Variants in YLPM1 observed in about 807,000 individuals in gnomAD.
The protein encoded by YLPM1 is YLP motif-containing protein 1.
YLPM1 carries 99 observed loss-of-function variants against 230.0 expected under a neutral mutation model. That is an observed-to-expected ratio of 0.43 (90% CI 0.37 to 0.51). The LOEUF (loss-of-function observed/expected upper bound fraction) is 0.51. Ranked by LOEUF, YLPM1 falls within the 20% of genes least tolerant of loss-of-function variation. The probability of loss-of-function intolerance (pLI) is 0.00; values close to 1 mark genes in which losing one functional copy is unlikely to be tolerated. For missense variants in YLPM1, 2,592 were observed against 2,707.7 expected (o/e 0.96, Z 0.95); for synonymous variants, 984 against 942.5 (o/e 1.04, Z -0.81).
Position 74,763,556 on chromosome 14 carries a change from C to G in YLPM1, c.67C>G (p.Pro23Ala). 1 of 1,554,636 alleles carries G rather than the reference C, an allele frequency of 6.4e-7. No homozygotes were observed. Reference sequence around the variant, plus strand: ...TCCGCCGCCACCGGTCCCACCGCCGCCGCCAGTGGCGCTTCCTGAGGCCTC... The same window carrying G: ...TCCGCCGCCACCGGTCCCACCGCCGGCGCCAGTGGCGCTTCCTGAGGCCTC... ...HYPPPPVPPP[P>A]PVALPEASPG... The change falls in exon 1 of 21, where the codon CCG becomes GCG. Residue 23 changes from proline to alanine, a missense_variant. This residue lies in a region of YLPM1 where 1,862 missense variants were observed against 1,819.8 expected (regional missense o/e 1.02). Transcript: ENST00000325680.
At chr14:74,821,878 C>T (rs1165794801) in intron 17 of YLPM1, 3 of 152,150 alleles carry the variant, frequency 2.0e-5, no homozygotes, top group Admixed American at 6.5e-5. Context: ...GAATATTACT[C>T]GGTTTATTTA....
rs753261602 is a variant in YLPM1, at chr14:74,798,566, G to A, written c.3269G>A (p.Arg1090Gln). 20 of 1,613,690 alleles carry A rather than the reference G, an allele frequency of 1.2e-5. No homozygotes were observed. In the Middle Eastern group the frequency reaches 4.9e-4, roughly 40 times the overall value. The part of the protein sequence containing the change: ...DRGLVRPGSS[R>Q]EKVPGGLQGS... The stretch of plus-strand genomic sequence containing the variant: ...GGGTTGGTGAGGCCTGGAAGCAGTC[G>A]GGAGAAAGTGCCAGGTGGTCTTCAA... Residue 1090 changes from arginine to glutamine, a missense_variant, in exon 5 of 21, where the codon CGG (arginine) becomes CAG (glutamine). Around this residue, in one of 4 missense-constraint regions of YLPM1, gnomAD observed 1,862 missense variants for 1,819.8 expected, o/e 1.02. Transcript: ENST00000325680.
chr14:74,768,320 G>A (rs2090934594), intron 1 of YLPM1, among the ~76,000 whole-genome samples: 2 of 152,228 alleles, frequency 1.3e-5, no homozygotes, highest in African/African-American at 4.8e-5. Flanking sequence ...TGAAATCTCG[G>A]CTCACTGCAA....
intron 5 of YLPM1, among the ~76,000 whole-genome samples, chr14:74,801,204 CAATA>C (rs2091321118): frequency 6.6e-6 from 1 of 151,956 alleles, no homozygotes; most frequent in Non-Finnish European, 1.5e-5. Flanking sequence ...CATAATTAAA[CAATA>C]TATAGGGAGT....
chr14:74,765,471 GGATGCTGAAATAAAGTAGTAGAATAAT>G, intron 1 of YLPM1, among the ~76,000 whole-genome samples: 1 of 152,170 alleles, frequency 6.6e-6, no homozygotes, highest in Admixed American at 6.5e-5. Context: ...AAAACACTTG[GGATGCTGAAATAAAGTAGTAGAATAAT>G]GATTCTGTTG....
At chr14:74,821,188 A>G in intron 17 of YLPM1, 51 bp downstream of exon 17, 1 of 1,513,136 alleles carries the variant, frequency 6.6e-7, no homozygotes, top group South Asian at 1.3e-5. Flanking sequence ...TAAAATTCTT[A>G]AAGAAGGTTT....
At position 74,763,928 on chromosome 14, in the gene YLPM1, C is replaced by A. The variant is rs755193062; in HGVS notation, c.439C>A (p.Pro147Thr). ...GGTTCCAATGGAGCTGGAATCCCCCCCTGAATCTCCCCCTGTGCCGCCTGG... is the reference window on the plus strand; with the variant it reads ...GGTTCCAATGGAGCTGGAATCCCCCACTGAATCTCCCCCTGTGCCGCCTGG... ...GLVPMELESP[P>T]ESPPVPPGSY... The change falls in exon 1 of 21, where the codon CCT (proline) becomes ACT (threonine). Residue 147 changes from proline (P) to threonine (T), a missense_variant. Transcript: ENST00000325680. 7 of 1,151,138 alleles carry A rather than the reference C, an allele frequency of 6.1e-6. No homozygotes were observed. Among genetic ancestry groups the A allele is most frequent in the Admixed American group, 3.3e-5 (1 of 30,234 alleles). 71.3% of individuals were successfully genotyped at this position (1,151,138 alleles called of 1,614,324 possible).
rs745747703 is a variant in YLPM1 at position 74,799,567 on chromosome 14, C to A, written c.4270C>A (p.His1424Asn). The A allele has an allele frequency of 1.9e-6, 3 of 1,613,862 alleles. No individual in the cohort carries two copies. Among genetic ancestry groups the A allele is most frequent in the Non-Finnish European group, 2.5e-6 (3 of 1,179,906 alleles). Residue 1424 changes from histidine to asparagine, a missense_variant, in exon 5 of 21, where the codon CAT (histidine) becomes AAT (asparagine). By Grantham distance (68) the His-to-Asn change is moderately conservative. Coordinates refer to ENST00000325680, the MANE Select transcript of YLPM1 (RefSeq NM_019589.3). ...CATGGCGGAACATATGCCCTCCTCACATCATTCCTCAGAAATGATGGGGTC... is the reference window on the plus strand; with the variant it reads ...CATGGCGGAACATATGCCCTCCTCAAATCATTCCTCAGAAATGATGGGGTC... The part of the protein sequence containing the change: ...SPMAEHMPSS[H>N]HSSEMMGSDA...
chr14:74,814,656 A>G (rs1367117000), intron 11 of YLPM1, among the ~76,000 whole-genome samples: 3 of 152,170 alleles, frequency 2.0e-5, no homozygotes, highest in African/African-American at 7.2e-5. Flanking sequence ...GCTTGCTAAT[A>G]TTTTGTTGAG....
At chr14:74,827,494 C>A (rs2091574224) in intron 18 of YLPM1, 3 of 985,384 alleles carry the variant, frequency 3.0e-6, no homozygotes. Flanking sequence ...AATACATGCT[C>A]TTCTGAAATT....
intron 6 of YLPM1, among the ~76,000 whole-genome samples, chr14:74,809,136 G>A (rs1181978314): frequency 6.7e-6 from 1 of 149,438 alleles, no homozygotes; most frequent in African/African-American, 2.5e-5. Context: ...TTGTCTTACC[G>A]AGTTTAAGTG....
At chr14:74,823,506 T>C (rs1312748355) in intron 17 of YLPM1, among the ~76,000 whole-genome samples, 1 of 152,132 alleles carries the variant, frequency 6.6e-6, no homozygotes, top group Admixed American at 6.6e-5. Context: ...GGAGTGACTT[T>C]GAAATAAGCC....
In YLPM1 at chr14:74,809,528, C is replaced by G. The variant is rs762493228; in HGVS notation, c.4670C>G (p.Pro1557Arg). 1.9e-6 allele frequency: 3 copies of G among 1,591,568 alleles called. No homozygotes were observed. Among genetic ancestry groups the G allele is most frequent in the Non-Finnish European group, 1.7e-6 (2 of 1,168,382 alleles). Residue 1557 changes from proline to arginine, a missense_variant, in exon 7 of 21, where the codon CCT becomes CGT. This residue lies in a region of YLPM1 where 403 missense variants were observed against 426.7 expected (regional missense o/e 0.94). Coordinates refer to ENST00000325680, the MANE Select transcript of YLPM1 (RefSeq NM_019589.3). Reference sequence around the variant, plus strand: ...CCTCCACCTCCTCCACCTCTACCTCCTCCTCCTCCAGTGATAAAGCCACAA... The same window carrying G: ...CCTCCACCTCCTCCACCTCTACCTCGTCCTCCTCCAGTGATAAAGCCACAA... ...PPPPPPPPLP[P>R]PPPVIKPQTS...
intron 4 of YLPM1, among the ~76,000 whole-genome samples, chr14:74,788,272 C>T (rs769108049): frequency 1.3e-5 from 2 of 152,086 alleles, no homozygotes; most frequent in Admixed American, 6.5e-5. Flanking sequence ...AGGTGCCCAC[C>T]GCCACGCCTG....
intron 11 of YLPM1, among the ~76,000 whole-genome samples, chr14:74,813,330 A>G (rs149253903): frequency 6.6e-5 from 10 of 152,234 alleles, no homozygotes; most frequent in Admixed American, 3.3e-4. Flanking sequence ...TGCTGTTTGC[A>G]TGATAAATCT....
In YLPM1 at chr14:74,773,369, C is replaced by T. The variant is rs946108771; in HGVS notation, c.874-5078C>T. 4.7e-4 allele frequency among the ~76,000 whole-genome samples: 71 copies of T among 151,536 alleles called. 2 individuals are homozygous for T. The highest frequency in any genetic ancestry group is 2.4e-4 in the Non-Finnish European group (16 of 67,986). On this transcript the variant is annotated intron_variant, in intron 1 of 20. Transcript: ENST00000325680. Reference sequence around the variant, plus strand: ...ACTTCAGCCCTTAACAAGTTCTTAACCCTGGTCTGGATCTAAGACAAAGCA... The same window carrying T: ...ACTTCAGCCCTTAACAAGTTCTTAATCCTGGTCTGGATCTAAGACAAAGCA...
At chr14:74,824,765 G>A (rs1453931961) in intron 18 of YLPM1, among the ~76,000 whole-genome samples, 3 of 152,018 alleles carry the variant, frequency 2.0e-5, no homozygotes, top group Non-Finnish European at 2.9e-5. Flanking sequence ...GAGTAGAGAG[G>A]AGTAGATATA....
chr14:74,800,843 T>A (rs1253805352), intron 5 of YLPM1, among the ~76,000 whole-genome samples: 1 of 152,222 alleles, frequency 6.6e-6, no homozygotes, highest in Non-Finnish European at 1.5e-5. Flanking sequence ...ACCGTGTAAC[T>A]GGGCACTTGC....
At chr14:74,769,443 C>T (rs555304138) in intron 1 of YLPM1, among the ~76,000 whole-genome samples, 12 of 151,830 alleles carry the variant, frequency 7.9e-5, no homozygotes, top group South Asian at 2.1e-4. Context: ...CCTGCCACCA[C>T]GCTTGGCTAA....
Sources: gnomAD v4.1 joint callset for allele counts (sites outside exome capture counted in the v4.1 genomes callset) on GRCh38, gnomAD v4.1.1 for gene constraint, gnomAD v4.1.1 regional missense constraint, MANE v1.5 for transcripts, NCBI Gene and HGNC (gene_info 2026-07-23, HGNC 2026-07-21) for gene names.